Variants in CCDC15 observed in about 807,000 individuals in gnomAD.
The protein encoded by CCDC15 is coiled-coil domain containing 15, also known as coiled-coil domain-containing protein 15.
CCDC15 carries 105 observed loss-of-function variants against 114.5 expected under a neutral mutation model. The ratio of observed to expected loss-of-function variants is 0.92; its 90% CI spans 0.78 to 1.08. The LOEUF (loss-of-function observed/expected upper bound fraction) is 1.08, where lower values mean the gene tolerates loss of function less well. CCDC15 is among the 50% of genes least tolerant of loss of function. The pLI, the probability that CCDC15 is intolerant of heterozygous loss-of-function variation, is 0.00. For missense variants in CCDC15, 1,105 were observed against 1,093.6 expected, an observed-to-expected ratio of 1.01 and a Z score of -0.15; for synonymous variants, 334 against 377.8, an observed-to-expected ratio of 0.88 and a Z score of 1.34.
intron 13 of CCDC15, among the ~76,000 whole-genome samples, chr11:125,031,856 C>T (rs1217747277): frequency 2.0e-5 from 3 of 152,202 alleles, no homozygotes; most frequent in Non-Finnish European, 4.4e-5. Context: ...TTTCAGGTCA[C>T]TCGATAAATA....
intron 13 of CCDC15, among the ~76,000 whole-genome samples, chr11:125,031,247 G>A (rs1006188917): frequency 1.3e-5 from 2 of 152,190 alleles, no homozygotes; most frequent in Admixed American, 1.3e-4. Context: ...CCTGCATATC[G>A]TGCAGAACCA....
rs1313915473 is a variant in CCDC15, at chr11:124,987,702, T to A, written c.1476T>A (p.Asp492Glu). Residue 492 changes from aspartate (D) to glutamate (E), a missense_variant, in exon 8 of 16, where the codon GAT (aspartate) becomes GAA (glutamate). Asp to Glu is a conservative substitution (Grantham distance 45). Transcript: ENST00000344762. ...AGCATGTTCTCCCCAAAGACCAAGA[T>A]ATTCTGCCAAAATATCAGGACCAGA... is the stretch of plus-strand genomic sequence containing the variant. ...RDQHVLPKDQ[D>E]ILPKYQDQNF... 1 of 1,613,998 alleles carries A rather than the reference T, an allele frequency of 6.2e-7. No individual in the cohort carries two copies. Among genetic ancestry groups the A allele is most frequent in the Non-Finnish European group, 8.5e-7 (1 of 1,179,874 alleles).
In CCDC15 at chr11:124,987,635, A is replaced by G; in HGVS notation, c.1409A>G (p.Gln470Arg). The change falls in exon 8 of 16, where the codon CAG (glutamine) becomes CGG (arginine). Residue 470 changes from glutamine to arginine, a missense_variant. Transcript: ENST00000344762. ...DQDILPKYQD[Q>R]NFLPKDQNFL... ...GATATTCTGCCAAAATATCAGGACC[A>G]GAATTTTCTACCTAAGGACCAGAAT... 6.2e-7 allele frequency: 1 copy of G among 1,613,964 alleles called. No individual in the cohort carries two copies. Among genetic ancestry groups the G allele is most frequent in the Non-Finnish European group, 8.5e-7 (1 of 1,179,880 alleles).
chr11:125,025,314 T>C (rs1334634653), intron 13 of CCDC15, among the ~76,000 whole-genome samples: 9 of 151,192 alleles, frequency 6.0e-5, no homozygotes, highest in Non-Finnish European at 1.0e-4. Context: ...TGCTAAACTT[T>C]TGTGTAGAAT....
At position 124,986,843 on chromosome 11, in the gene CCDC15, G is replaced by C; in HGVS notation, c.855G>C (p.Gln285His). Residue 285 changes from glutamine to histidine, a missense_variant, in exon 7 of 16, where the codon CAG becomes CAC. Physicochemically the swap from Gln to His is conservative, Grantham distance 24. Coordinates refer to ENST00000344762, the MANE Select transcript of CCDC15 (RefSeq NM_025004.3). Reference protein sequence around the residue: ...DLFGRGQQDQQAIHSEDKNKP... With the variant: ...DLFGRGQQDQHAIHSEDKNKP... ...TTGGGAGAGGCCAGCAGGACCAGCA[G>C]GCTATCCATTCTGAAGATAAGAACA... 1 of 1,561,930 alleles carries C rather than the reference G, an allele frequency of 6.4e-7. No individual in the cohort carries two copies. Among genetic ancestry groups the C allele is most frequent in the Non-Finnish European group, 8.7e-7 (1 of 1,152,108 alleles).
intron 11 of CCDC15, among the ~76,000 whole-genome samples, chr11:124,994,352 G>A (rs1209362961): frequency 6.6e-6 from 1 of 152,148 alleles, no homozygotes; most frequent in Admixed American, 6.5e-5. Context: ...TGGTCAGGCT[G>A]ATCAAGAAGC....
chr11:124,967,331 A>G (rs952132646), intron 4 of CCDC15, among the ~76,000 whole-genome samples: 11 of 152,018 alleles, frequency 7.2e-5, no homozygotes, highest in Non-Finnish European at 1.5e-4. Context: ...GGCTTTGTTC[A>G]TTTCTTTTTA....
chr11:124,987,628 C>T lies in CCDC15; in HGVS notation c.1402C>T (p.Gln468Ter). 4 of 1,613,972 alleles carry T rather than the reference C, an allele frequency of 2.5e-6. No homozygotes were observed. The South Asian group carries it at 4.4e-5, about 18-fold the overall frequency. The change falls in exon 8 of 16, where the codon CAG (glutamine) becomes TAG (stop). Residue 468 changes from glutamine to a stop codon, truncating the protein, a stop_gained. Transcript: ENST00000344762. LOFTEE classifies it high-confidence loss of function. ...AGACCAAGATATTCTGCCAAAATATCAGGACCAGAATTTTCTACCTAAGGA... is the reference window on the plus strand; with the variant it reads ...AGACCAAGATATTCTGCCAAAATATTAGGACCAGAATTTTCTACCTAAGGA... ...HKDQDILPKY[Q>*]DQNFLPKDQN...
rs574168804 is a variant in CCDC15, at chr11:125,028,087, G to A, written c.2412-10344G>A. Among the ~76,000 whole-genome samples the A allele has an allele frequency of 1.9e-3, 285 of 152,142 alleles. 3 individuals carry two copies. Among genetic ancestry groups the A allele is most frequent in the Middle Eastern group, 3.4e-3 (1 of 294 alleles). On this transcript the variant is annotated intron_variant, in intron 13 of 15. Transcript: ENST00000344762. ...TCTAGGTTCTCTATTGTGTTCCATT[G>A]GTCTATGTGCCTGTACTATGTATGT...
At chr11:125,003,991 A>G (rs753415588) in intron 12 of CCDC15, 32 bp downstream of exon 12, 1 of 1,100,756 alleles carries the variant, frequency 9.1e-7, no homozygotes, top group Admixed American at 3.3e-5. Flanking sequence ...GGATCCCAAT[A>G]TTTCTACTAT....
intron 13 of CCDC15, among the ~76,000 whole-genome samples, chr11:125,008,840 T>TG (rs1948569335): frequency 6.6e-6 from 1 of 151,890 alleles, no homozygotes; most frequent in Admixed American, 6.6e-5. Flanking sequence ...CTACAGGCTA[T>TG]GGGTTTTTAC....
chr11:125,023,181 G>A (rs529553618), intron 13 of CCDC15, among the ~76,000 whole-genome samples: 3 of 151,990 alleles, frequency 2.0e-5, no homozygotes, highest in African/African-American at 2.4e-5. Context: ...TAATTGTCAC[G>A]TATGGTGTGA....
rs80249593 is a variant in CCDC15, at chr11:124,990,556, G to A, written c.1909-905G>A. ...GTATGCTGTATATTGTACCTGATTTGGAGATCCATACTTGGAAAAAATAGT... is the reference window on the plus strand; with the variant it reads ...GTATGCTGTATATTGTACCTGATTTAGAGATCCATACTTGGAAAAAATAGT... On this transcript the variant is annotated intron_variant, in intron 8 of 15. Coordinates refer to ENST00000344762, the MANE Select transcript of CCDC15 (RefSeq NM_025004.3). Among the ~76,000 whole-genome samples, 22 of 152,236 alleles carry A rather than the reference G, an allele frequency of 1.4e-4. No individual in the cohort carries two copies. In the East Asian group the frequency reaches 3.9e-3, roughly 27 times the overall value.
chr11:124,984,046 A>G (rs1948116873), intron 6 of CCDC15, among the ~76,000 whole-genome samples: 1 of 151,930 alleles, frequency 6.6e-6, no homozygotes, highest in Admixed American at 6.5e-5. Flanking sequence ...CGTCTCCTTG[A>G]GTGCCTTTGC....
At chr11:124,986,698 T>TGC (rs777233071) in intron 6 of CCDC15, 44 bp from the exon 7 acceptor site, 2 of 1,437,424 alleles carry the variant, frequency 1.4e-6, no homozygotes, top group South Asian at 1.4e-5. Context: ...TGTTTGTGTG[T>TGC]GTGCGCGCGC....
Position 124,986,835 on chromosome 11 carries a change from G to C in CCDC15, c.847G>C (p.Asp283His). Residue 283 changes from aspartate to histidine, a missense_variant, in exon 7 of 16, where the codon GAC becomes CAC. Transcript: ENST00000344762. ...KEDLFGRGQQ[D>H]QQAIHSEDKN... ...AGATTTGTTTGGGAGAGGCCAGCAG[G>C]ACCAGCAGGCTATCCATTCTGAAGA... 3 of 1,560,502 alleles carry C rather than the reference G, an allele frequency of 1.9e-6. No individual in the cohort carries two copies. Among genetic ancestry groups the C allele is most frequent in the Non-Finnish European group, 1.7e-6 (2 of 1,151,288 alleles).
intron 13 of CCDC15, among the ~76,000 whole-genome samples, chr11:125,027,836 G>T (rs545118219): frequency 2.0e-5 from 3 of 151,134 alleles, no homozygotes; most frequent in East Asian, 3.9e-4. Flanking sequence ...CAGTTTTTTT[G>T]ATGTTATCTT....
chr11:125,013,832 G>A (rs1197531576), intron 13 of CCDC15, among the ~76,000 whole-genome samples: 1 of 152,110 alleles, frequency 6.6e-6, no homozygotes, highest in Non-Finnish European at 1.5e-5. Flanking sequence ...ATTTCTTAAG[G>A]GGTTTTCAAA....
At chr11:124,974,817 A>C (rs1439166949) in intron 4 of CCDC15, among the ~76,000 whole-genome samples, 1 of 152,220 alleles carries the variant, frequency 6.6e-6, no homozygotes, top group Non-Finnish European at 1.5e-5. Flanking sequence ...AGGTTTTCAT[A>C]TTTTTGTGTA....
Sources: gnomAD v4.1 joint callset for allele counts (sites outside exome capture counted in the v4.1 genomes callset) on GRCh38, gnomAD v4.1.1 for gene constraint, MANE v1.5 for transcripts, NCBI Gene and HGNC (gene_info 2026-07-23, HGNC 2026-07-21) for gene names.